The following PIK3C2G variants were observed in gnomAD, a reference collection of about 807,000 sequenced individuals.
The protein encoded by PIK3C2G is phosphatidylinositol-4-phosphate 3-kinase catalytic subunit type 2 gamma, also known as phosphatidylinositol 3-kinase C2 domain-containing subunit gamma.
In PIK3C2G, 168 loss-of-function variants were observed where a neutral mutation model predicts 181.1. The ratio of observed to expected loss-of-function variants is 0.93; its 90% CI spans 0.82 to 1.05. The LOEUF is 1.05. Ranked by LOEUF, PIK3C2G falls within the 50% of genes least tolerant of loss-of-function variation. The probability of loss-of-function intolerance (pLI) is 0.00; values close to 1 mark genes in which losing one functional copy is unlikely to be tolerated. For missense variants in PIK3C2G, 1,869 were observed against 1,732.8 expected (o/e 1.08, Z -1.40); for synonymous variants, 573 against 592.2 (o/e 0.97, Z 0.47).
At chr12:18,290,151 T>A (rs1949627573) in intron 3 of PIK3C2G, among the ~76,000 whole-genome samples, 1 of 152,186 alleles carries the variant, frequency 6.6e-6, no homozygotes. Flanking sequence ...GCTATTAATA[T>A]CTTTACTTGT....
chr12:18,677,854 C>T, the PIK3C2G span, among the ~76,000 whole-genome samples: 1 of 151,928 alleles, frequency 6.6e-6, no homozygotes, highest in Admixed American at 6.6e-5. Context: ...TAAAATTGTA[C>T]TTTAATAATT....
At chr12:18,277,107 A>G (rs1949017313) in intron 1 of PIK3C2G, among the ~76,000 whole-genome samples, 1 of 152,204 alleles carries the variant, frequency 6.6e-6, no homozygotes, top group Non-Finnish European at 1.5e-5. Context: ...ATTCCAAATT[A>G]GAAATGAGAA....
intron 29 of PIK3C2G, among the ~76,000 whole-genome samples, chr12:18,587,933 G>A (rs535890335): frequency 7.9e-5 from 12 of 151,240 alleles, no homozygotes; most frequent in African/African-American, 2.7e-4. Flanking sequence ...ACAGAATAAC[G>A]AGCCCAGAAA....
At chr12:18,683,232 T>C in the PIK3C2G span, 3 of 1,610,668 alleles carry the variant, frequency 1.9e-6, no homozygotes. Context: ...TCATTTATCA[T>C]TAGCTGTTAT....
intron 18 of PIK3C2G, among the ~76,000 whole-genome samples, chr12:18,445,497 T>C (rs1178285856): frequency 6.6e-6 from 1 of 152,128 alleles, no homozygotes; most frequent in Non-Finnish European, 1.5e-5. Flanking sequence ...GGAAGTTTAA[T>C]TGTTAAAATG....
At chr12:18,372,016 T>C (rs1175765115) in intron 13 of PIK3C2G, among the ~76,000 whole-genome samples, 1 of 152,180 alleles carries the variant, frequency 6.6e-6, no homozygotes, top group Non-Finnish European at 1.5e-5. Flanking sequence ...AATGTTAATA[T>C]TTTTATAAAG....
At position 18,371,211 on chromosome 12, in the gene PIK3C2G, C is replaced by T. The variant is rs1450872122; in HGVS notation, c.1780C>T (p.Pro594Ser). ...TTTTCCCCTTGAAATAAAGTCACTT[C>T]CAAGGGAATCCATGCTCACTGTAAA... ...INFPLEIKSL[P>S]RESMLTVKLF... Residue 594 changes from proline to serine, a missense_variant, in exon 13 of 33, where the codon CCA becomes TCA. Pro to Ser is a moderately conservative substitution (Grantham distance 74). Transcript: ENST00000538779. 1.9e-6 allele frequency: 3 copies of T among 1,610,816 alleles called. No individual in the cohort carries two copies. Among genetic ancestry groups the T allele is most frequent in the Non-Finnish European group, 2.5e-6 (3 of 1,177,988 alleles).
chr12:18,542,134 A>G (rs1944187437), intron 25 of PIK3C2G, among the ~76,000 whole-genome samples: 1 of 151,836 alleles, frequency 6.6e-6, no homozygotes, highest in Non-Finnish European at 1.5e-5. Context: ...GTATCCAGAG[A>G]AACTGGAATG....
intron 16 of PIK3C2G, 57 bp from the exon 17 acceptor site, chr12:18,420,884 T>C (rs1424664683): frequency 1.0e-5 from 9 of 876,526 alleles, no homozygotes; most frequent in East Asian, 2.5e-5. Flanking sequence ...CCCTGACATG[T>C]CTTATGCATT....
chr12:18,258,745 C>T (rs898881982), upstream of PIK3C2G, among the ~76,000 whole-genome samples: 58 of 151,296 alleles, frequency 3.8e-4, no homozygotes, highest in African/African-American at 1.4e-3. Flanking sequence ...ATGATTGGTT[C>T]AAGTTTAGTA....
chr12:18,582,539 A>C (rs1199471593), intron 29 of PIK3C2G, among the ~76,000 whole-genome samples: 1 of 152,176 alleles, frequency 6.6e-6, no homozygotes, highest in Non-Finnish European at 1.5e-5. Context: ...ACTCTGCCAA[A>C]GCGAAAGGTT....
intron 18 of PIK3C2G, among the ~76,000 whole-genome samples, chr12:18,456,524 G>A (rs1474057948): frequency 2.0e-5 from 3 of 152,124 alleles, no homozygotes; most frequent in Admixed American, 1.3e-4. Flanking sequence ...GACCAGGTGT[G>A]TCGTTTACAT....
rs780792628 is a variant in PIK3C2G at position 18,620,519 on chromosome 12, T to TAGAC, written c.4182+10898_4182+10901dup. Among the ~76,000 whole-genome samples, 98 of 135,714 alleles carry TAGAC rather than the reference T, an allele frequency of 7.2e-4. No homozygotes were observed. The East Asian group carries it at 8.9e-3, about 12-fold the overall frequency. The allele number at this position is 135,714 out of a possible 152,430, so 89.0% of individuals were successfully genotyped here. ...TGCATATGACAGATAGATAAATGAT[T>TAGAC]AGACAGACAGATAGATAGATAGATA... On this transcript the variant is annotated intron_variant, in intron 31 of 32. Transcript: ENST00000538779.
At chr12:18,688,793 C>T in the PIK3C2G span, among the ~76,000 whole-genome samples, 1 of 151,754 alleles carries the variant, frequency 6.6e-6, no homozygotes, top group East Asian at 1.9e-4. Context: ...ATTTAAGGAA[C>T]AAAATGAGCA....
upstream of PIK3C2G, chr12:18,247,501 G>A (rs1018071107): frequency 6.6e-6 from 1 of 152,220 alleles, no homozygotes; most frequent in Non-Finnish European, 1.5e-5. Flanking sequence ...GTGTTTCCTA[G>A]CGAAGTGACC....
intron 14 of PIK3C2G, among the ~76,000 whole-genome samples, 156 bp from the exon 15 acceptor site, chr12:18,390,966 T>G (rs2138048175): frequency 6.6e-6 from 1 of 152,274 alleles, no homozygotes; most frequent in African/African-American, 2.4e-5. Flanking sequence ...CAACCTCTAA[T>G]AATTATTTTA....
intron 30 of PIK3C2G, among the ~76,000 whole-genome samples, chr12:18,607,877 C>A (rs1443006704): frequency 3.9e-5 from 6 of 152,048 alleles, no homozygotes; most frequent in Non-Finnish European, 7.4e-5. Context: ...ACCCCATCAA[C>A]AAGTGGGCGA....
intron 6 of PIK3C2G, among the ~76,000 whole-genome samples, chr12:18,315,924 A>AT (rs1185541830): frequency 1.4e-5 from 2 of 141,288 alleles, no homozygotes; most frequent in Admixed American, 1.4e-4. Flanking sequence ...TGTGTGTGTA[A>AT]TTTTTTTCCA....
chr12:18,713,362 A>G, the PIK3C2G span, among the ~76,000 whole-genome samples: 1 of 152,152 alleles, frequency 6.6e-6, no homozygotes, highest in Non-Finnish European at 1.5e-5. Context: ...TCAATGCCAT[A>G]CCATTCAAAA....
Sources: allele counts gnomAD v4.1 joint callset (sites outside exome capture counted in the v4.1 genomes callset), GRCh38; gene constraint gnomAD v4.1.1; transcripts MANE v1.5; gene names NCBI Gene and HGNC (gene_info 2026-07-23, HGNC 2026-07-21).